Variants in GPX2 observed in about 807,000 individuals in gnomAD.
The protein encoded by GPX2 is gastrointestinal glutathione peroxidase.
In GPX2, 21 loss-of-function variants were observed where a neutral mutation model predicts 14.1. The ratio of observed to expected loss-of-function variants is 1.48; its 90% CI spans 1.05 to 2.14. The LOEUF is 2.14. Among genes scored for constraint, GPX2 ranks in the 30% most tolerant of loss-of-function variants. The pLI is 0.00. For missense variants in GPX2, 241 were observed against 249.8 expected, an observed-to-expected ratio of 0.96 and a Z score of 0.24; for synonymous variants, 94 against 95.2, an observed-to-expected ratio of 0.99 and a Z score of 0.07.
chr14:64,939,446 G>T lies in GPX2; in HGVS notation c.*42C>A. 2 of 1,508,430 alleles carry T rather than the reference G, an allele frequency of 1.3e-6. No homozygotes were observed. The highest frequency in any genetic ancestry group is 1.2e-5 in the South Asian group (1 of 84,070). The allele number at this position is 1,508,430 out of a possible 1,614,324, so 93.4% of individuals were successfully genotyped here. ...CATGCTGCATCCTAAGGCTCCTCAG[G>T]ACTGGATGGAGTAGGAGATCTGTGT... On this transcript the variant is annotated 3_prime_UTR_variant, in exon 2 of 2. Transcript: ENST00000389614. The surrounding 1 kb of genome is among the most constrained non-coding windows in gnomAD (Gnocchi z 5.7).
At chr14:64,942,411 C>CA in intron 1 of GPX2, 94 bp downstream of exon 1, 1 of 944,548 alleles carries the variant, frequency 1.1e-6, no homozygotes. Flanking sequence ...TTATTCCAGA[C>CA]ACTCCAAAAC....
Position 64,940,499 on chromosome 14 carries a change from G to T in GPX2, c.223-661C>A, listed in dbSNP as rs1240296513. ...CCTAGAACTGAAGTACAAATGGGAA[G>T]AAGCTTTGATGAAGGAAGACCCCCA... On this transcript the variant is annotated intron_variant, in intron 1 of 1. Transcript: ENST00000389614. This position sits in a 1 kb window ranked among gnomAD's most constrained non-coding sequence, Gnocchi z 4.5. Among the ~76,000 whole-genome samples, 2 of 152,190 alleles carry T rather than the reference G, an allele frequency of 1.3e-5. No homozygotes were observed. Among genetic ancestry groups the T allele is most frequent in the African/African-American group, 4.8e-5 (2 of 41,446 alleles).
At position 64,940,432 on chromosome 14, in the gene GPX2, G is replaced by A. The variant is rs1326758607; in HGVS notation, c.223-594C>T. On this transcript the variant is annotated intron_variant, in intron 1 of 1. Transcript: ENST00000389614. This position sits in a 1 kb window ranked among gnomAD's most constrained non-coding sequence, Gnocchi z 4.5. ...GAACTGAGGGTGAAATTGAGACCCA[G>A]AGGAATGGGATTTACAGCTTCTTGC... 1.3e-5 allele frequency among the ~76,000 whole-genome samples: 2 copies of A among 152,186 alleles called. No homozygotes were observed. Among genetic ancestry groups the A allele is most frequent in the Non-Finnish European group, 2.9e-5 (2 of 68,042 alleles).
At chr14:64,942,056 G>A (rs377537190) in intron 1 of GPX2, among the ~76,000 whole-genome samples, 6 of 152,132 alleles carry the variant, frequency 3.9e-5, no homozygotes, top group African/African-American at 1.2e-4. Flanking sequence ...AAACTAAACC[G>A]AAAAATGAAG....
chr14:64,939,305 C>A lies in GPX2; in HGVS notation c.*183G>T. 1 of 615,796 alleles carries A rather than the reference C, an allele frequency of 1.6e-6. No homozygotes were observed. The allele number at this position is 615,796 out of a possible 1,614,324, so 38.1% of individuals were successfully genotyped here. On this transcript the variant is annotated 3_prime_UTR_variant, in exon 2 of 2. Coordinates refer to ENST00000389614, the MANE Select transcript of GPX2 (RefSeq NM_002083.4). The surrounding 1 kb of genome is among the most constrained non-coding windows in gnomAD (Gnocchi z 5.7). Reference sequence around the variant, plus strand: ...CCAAGTCTTGGAGCCCAAGTTGAATCACCAACCAGAGGGTTGGGAGAGGAA... The same window carrying A: ...CCAAGTCTTGGAGCCCAAGTTGAATAACCAACCAGAGGGTTGGGAGAGGAA...
rs1885518869 is a variant in GPX2 at position 64,939,806 on chromosome 14, A to C, written c.255T>G (p.Ser85Arg). The C allele has an allele frequency of 2.5e-6, 4 of 1,614,124 alleles. No individual in the cohort carries two copies. In the African/African-American group the frequency reaches 4.0e-5, roughly 16 times the overall value. ...ENCQNEEILN[S>R]LKYVRPGGGY... ...CACCCCCAGGACGGACATACTTGAG[A>C]CTGTTCAGGATCTCCTCATTCTGAC... is the stretch of plus-strand genomic sequence containing the variant. Residue 85 changes from serine (S) to arginine (R), a missense_variant, in exon 2 of 2, where the codon AGT (serine) becomes AGG (arginine). Ser to Arg is a moderately radical substitution (Grantham distance 110). Coordinates refer to ENST00000389614, the MANE Select transcript of GPX2 (RefSeq NM_002083.4). This position sits in a 1 kb window ranked among gnomAD's most constrained non-coding sequence, Gnocchi z 5.7.
chr14:64,942,502 CACCTGAT>C lies in GPX2; in HGVS notation c.218_222+2del. 1 of 1,613,328 alleles carries C rather than the reference CACCTGAT, an allele frequency of 6.2e-7. No individual in the cohort carries two copies. Among genetic ancestry groups the C allele is most frequent in the Non-Finnish European group, 8.5e-7 (1 of 1,179,474 alleles). On this transcript the variant is annotated splice_donor_variant and coding_sequence_variant, in exon 1 of 2. Transcript: ENST00000389614. LOFTEE classifies it high-confidence loss of function. ...TGGTGCATTACAAGGAGGGACCCCT[CACCTGAT>C]GTCCAAATTGGTTGCAAGGGAAGCC...
chr14:64,942,167 T>A (rs906304530), intron 1 of GPX2, among the ~76,000 whole-genome samples: 1 of 152,242 alleles, frequency 6.6e-6, no homozygotes, highest in African/African-American at 2.4e-5. Context: ...TCCTGGCCTC[T>A]ACTTTCTCCA....
chr14:64,942,550 C>G lies in GPX2; in HGVS notation c.177G>C (p.Arg59Ser). ...AAGGGAAGCCAAGGACCACCAGGCG[C>G]CTGGGAAAGCGGCATTGCAGCTCGT... is the stretch of plus-strand genomic sequence containing the variant. ...QLNELQCRFP[R>S]RLVVLGFPCN... Residue 59 changes from arginine to serine, a missense_variant, in exon 1 of 2, where the codon AGG becomes AGC. Arg to Ser is a moderately radical substitution (Grantham distance 110). Transcript: ENST00000389614. The G allele has an allele frequency of 6.2e-7, 1 of 1,614,220 alleles. No individual in the cohort carries two copies. The highest frequency in any genetic ancestry group is 8.5e-7 in the Non-Finnish European group (1 of 1,180,046).
At position 64,942,519 on chromosome 14, in the gene GPX2, G is replaced by A; in HGVS notation, c.208C>T (p.Gln70Ter). 1 of 1,614,018 alleles carries A rather than the reference G, an allele frequency of 6.2e-7. No individual in the cohort carries two copies. Among genetic ancestry groups the A allele is most frequent in the Middle Eastern group, 1.7e-4 (1 of 6,016 alleles). Residue 70 changes from glutamine (Q) to a stop codon, truncating the protein, a stop_gained, in exon 1 of 2, where the codon CAA (glutamine) becomes TAA (stop). Transcript: ENST00000389614. LOFTEE classifies it high-confidence loss of function. ...GGACCCCTCACCTGATGTCCAAATT[G>A]GTTGCAAGGGAAGCCAAGGACCACC... ...RLVVLGFPCN[Q>*]FGHQENCQNE...
intron 1 of GPX2, among the ~76,000 whole-genome samples, chr14:64,941,003 T>G (rs1293763791): frequency 6.6e-6 from 1 of 152,182 alleles, no homozygotes; most frequent in Non-Finnish European, 1.5e-5. Flanking sequence ...ACTAGTTCAG[T>G]CAGTTCCAGG....
Position 64,942,555 on chromosome 14 carries a change from G to A in GPX2, c.172C>T (p.Pro58Ser), listed in dbSNP as rs1335939162. Residue 58 changes from proline to serine, a missense_variant, in exon 1 of 2, where the codon CCC (proline) becomes TCC (serine). By Grantham distance (74) the Pro-to-Ser change is moderately conservative. Transcript: ENST00000389614. ...TQLNELQCRF[P>S]RRLVVLGFPC... ...AAGCCAAGGACCACCAGGCGCCTGG[G>A]AAAGCGGCATTGCAGCTCGTTGAGC... 2 of 1,614,108 alleles carry A rather than the reference G, an allele frequency of 1.2e-6. No homozygotes were observed. The highest frequency in any genetic ancestry group is 1.7e-6 in the Non-Finnish European group (2 of 1,180,052).
In GPX2 at chr14:64,939,953, G is replaced by A; in HGVS notation, c.223-115C>T. 6.9e-7 allele frequency: 1 copy of A among 1,443,206 alleles called. No homozygotes were observed. The highest frequency in any genetic ancestry group is 9.0e-7 in the Non-Finnish European group (1 of 1,105,042). 89.4% of individuals were successfully genotyped at this position (1,443,206 alleles called of 1,614,324 possible). A position where few individuals can be genotyped will look rare whatever the true frequency, so the allele number is the denominator to read the frequency against. ...CTCCCCAGGGTCATTCTTTTTCACT[G>A]TGAAAGAGAGAGAGACAAGACAGAC... On this transcript the variant is annotated intron_variant, in intron 1 of 1. Transcript: ENST00000389614. This position sits in a 1 kb window ranked among gnomAD's most constrained non-coding sequence, Gnocchi z 5.7.
chr14:64,939,971 A>G lies in GPX2; in HGVS notation c.223-133T>C. 6.8e-7 allele frequency: 1 copy of G among 1,464,992 alleles called. No homozygotes were observed. Among genetic ancestry groups the G allele is most frequent in the Non-Finnish European group, 9.0e-7 (1 of 1,115,718 alleles). 90.7% of individuals were successfully genotyped at this position (1,464,992 alleles called of 1,614,324 possible). On this transcript the variant is annotated intron_variant, in intron 1 of 1. Coordinates refer to ENST00000389614, the MANE Select transcript of GPX2 (RefSeq NM_002083.4). This position sits in a 1 kb window ranked among gnomAD's most constrained non-coding sequence, Gnocchi z 5.7. ...TTTCACTGTGAAAGAGAGAGAGACA[A>G]GACAGACGAGGTGTTGCTCACTGCA...
Position 64,939,459 on chromosome 14 carries a change from A to C in GPX2, c.*29T>G. On this transcript the variant is annotated 3_prime_UTR_variant, in exon 2 of 2. Transcript: ENST00000389614. The surrounding 1 kb of genome is among the most constrained non-coding windows in gnomAD (Gnocchi z 5.7). ...AAGGCTCCTCAGGACTGGATGGAGT[A>C]GGAGATCTGTGTGTTGAGCAGTTCA... The C allele has an allele frequency of 6.6e-5, 102 of 1,542,158 alleles. No individual in the cohort carries two copies. The highest frequency in any genetic ancestry group is 7.9e-5 in the Non-Finnish European group (89 of 1,120,092).
chr14:64,939,734 C>T lies in GPX2; in HGVS notation c.327G>A (p.Gly109=). Residue 109 remains glycine (G), a synonymous_variant, in exon 2 of 2, where the codon GGG becomes GGA. Coordinates refer to ENST00000389614, the MANE Select transcript of GPX2 (RefSeq NM_002083.4). The surrounding 1 kb of genome is among the most constrained non-coding windows in gnomAD (Gnocchi z 5.7). ...FTLVQKCEVN[G]QNEHPVFAYL... ...AGGCGAAGACAGGATGCTCGTTCTG[C>T]CCATTCACCTCACATTTTTGGACAA... The T allele has an allele frequency of 1.9e-6, 3 of 1,614,102 alleles. No homozygotes were observed. The highest frequency in any genetic ancestry group is 1.3e-5 in the African/African-American group (1 of 74,988).
In GPX2 at chr14:64,939,981, G is replaced by C; in HGVS notation, c.223-143C>G. ...AAAGAGAGAGAGACAAGACAGACGAGGTGTTGCTCACTGCAGCCTTGAACT... is the reference window on the plus strand; with the variant it reads ...AAAGAGAGAGAGACAAGACAGACGACGTGTTGCTCACTGCAGCCTTGAACT... On this transcript the variant is annotated intron_variant, in intron 1 of 1. Coordinates refer to ENST00000389614, the MANE Select transcript of GPX2 (RefSeq NM_002083.4). The surrounding 1 kb of genome is among the most constrained non-coding windows in gnomAD (Gnocchi z 5.7). The C allele has an allele frequency of 6.8e-7, 1 of 1,469,662 alleles. No homozygotes were observed. Among genetic ancestry groups the C allele is most frequent in the Non-Finnish European group, 8.9e-7 (1 of 1,119,482 alleles). 91.0% of individuals were successfully genotyped at this position (1,469,662 alleles called of 1,614,324 possible). A position where few individuals can be genotyped will look rare whatever the true frequency, so the allele number is the denominator to read the frequency against.
intron 1 of GPX2, 145 bp downstream of exon 1, chr14:64,942,360 T>C (rs1885699325): frequency 1.6e-6 from 1 of 641,142 alleles, no homozygotes; most frequent in Non-Finnish European, 2.8e-6. Context: ...TCTTGGTATG[T>C]CACATGCACC....
chr14:64,940,832 C>T lies in GPX2; in HGVS notation c.223-994G>A, dbSNP rs1441243870. Among the ~76,000 whole-genome samples the T allele has an allele frequency of 6.6e-6, 1 of 152,194 alleles. No homozygotes were observed. The highest frequency in any genetic ancestry group is 1.5e-5 in the Non-Finnish European group (1 of 68,016). On this transcript the variant is annotated intron_variant, in intron 1 of 1. Coordinates refer to ENST00000389614, the MANE Select transcript of GPX2 (RefSeq NM_002083.4). The surrounding 1 kb of genome is among the most constrained non-coding windows in gnomAD (Gnocchi z 4.5). ...GGCTCAAAACCTGGTCCCTGCCTTT[C>T]CCTCCCCACTGCCATCCCTGTCCTA...
Sources: gnomAD v4.1 joint callset for allele counts (sites outside exome capture counted in the v4.1 genomes callset) on GRCh38, gnomAD v4.1.1 for gene constraint, Gnocchi (gnomAD v3.1) non-coding constraint, MANE v1.5 for transcripts, NCBI Gene and HGNC (gene_info 2026-07-23, HGNC 2026-07-21) for gene names.